The following THOC7 variants were observed in gnomAD, a reference collection of about 807,000 sequenced individuals.
THOC7 encodes NIF3L1-binding protein 1.
Under a neutral mutation model 33.1 loss-of-function variants are expected in THOC7, and 22 were observed. The ratio of observed to expected loss-of-function variants is 0.66; its 90% CI spans 0.47 to 0.95. The LOEUF (loss-of-function observed/expected upper bound fraction) is 0.95, where lower values mean the gene tolerates loss of function less well. Among genes scored for constraint, THOC7 ranks in the 40% least tolerant of loss-of-function variants. The pLI, the probability that THOC7 is intolerant of heterozygous loss-of-function variation, is 0.00. For missense variants in THOC7, 184 were observed against 245.3 expected (o/e 0.75, Z 1.67); for synonymous variants, 77 against 76.8 (o/e 1.00, Z -0.01).
chr3:63,834,328 C>A, intron 7 of THOC7, 129 bp from the exon 8 acceptor site: 4 of 822,582 alleles, frequency 4.9e-6, no homozygotes, highest in South Asian at 1.8e-5. Context: ...CTAGTTGAAT[C>A]AAACTTTAAA....
In THOC7 at chr3:63,839,733, AC is replaced by A; in HGVS notation, c.59del (p.Gly20ValfsTer11). On this transcript the variant is annotated frameshift_variant, in exon 2 of 8. Transcript: ENST00000295899. LOFTEE classifies it high-confidence loss of function. ...GATTAATTCTCCGATCATCTCCAGC[AC>A]CATCTCCATCAATGAGGAGACGCTT... The part of the protein sequence containing the change: ...IRKRLLIDGD[G>X]AGDDRRINLL... The A allele has an allele frequency of 6.2e-7, 1 of 1,613,296 alleles. No homozygotes were observed. The highest frequency in any genetic ancestry group is 8.5e-7 in the Non-Finnish European group (1 of 1,179,958).
intron 1 of THOC7, among the ~76,000 whole-genome samples, chr3:63,855,007 C>CAA (rs758785703): frequency 7.6e-5 from 7 of 91,554 alleles, no homozygotes; most frequent in African/African-American, 1.2e-4. Flanking sequence ...GACTCCGTCT[C>CAA]AAAAAAAAAA....
chr3:63,833,980 T>G lies in THOC7; in HGVS notation c.*152A>C. The stretch of plus-strand genomic sequence containing the variant: ...TCTATACTGAAGTCATTTTCCTTTG[T>G]GAGAGGAAATATGAATGAAATACAT... On this transcript the variant is annotated 3_prime_UTR_variant, in exon 8 of 8. Transcript: ENST00000295899. The G allele has an allele frequency of 1.5e-6, 1 of 674,080 alleles. No homozygotes were observed. Among genetic ancestry groups the G allele is most frequent in the Non-Finnish European group, 2.4e-6 (1 of 419,272 alleles). The allele number at this position is 674,080 out of a possible 1,614,324, so 41.8% of individuals were successfully genotyped here. A position where few individuals can be genotyped will look rare whatever the true frequency, so the allele number is the denominator to read the frequency against.
intron 2 of THOC7, 92 bp downstream of exon 2, chr3:63,839,564 G>T: frequency 9.7e-7 from 1 of 1,035,318 alleles, no homozygotes; most frequent in Non-Finnish European, 1.5e-6. Flanking sequence ...CATTTAAGGT[G>T]AGTGAAAATT....
chr3:63,844,285 T>C (rs1404578852), intron 1 of THOC7, among the ~76,000 whole-genome samples: 7 of 152,218 alleles, frequency 4.6e-5, no homozygotes, highest in African/African-American at 1.7e-4. Flanking sequence ...AGAGACCTAA[T>C]TGTACAGCAA....
chr3:63,840,299 G>A (rs559807840), intron 1 of THOC7, among the ~76,000 whole-genome samples: 1 of 152,126 alleles, frequency 6.6e-6, no homozygotes, highest in Non-Finnish European at 1.5e-5. Flanking sequence ...AATGAGATGG[G>A]TGAGGGAAAA....
chr3:63,853,011 C>T (rs1472490950), intron 1 of THOC7, among the ~76,000 whole-genome samples: 1 of 151,886 alleles, frequency 6.6e-6, no homozygotes, highest in Non-Finnish European at 1.5e-5. Flanking sequence ...ATTAGCTGGG[C>T]GTGGTGGCAC....
At chr3:63,863,616 C>G in intron 1 of THOC7, 156 bp downstream of exon 1, 1 of 1,196,504 alleles carries the variant, frequency 8.4e-7, no homozygotes, top group Non-Finnish European at 1.0e-6. Context: ...CCGGGGAGGC[C>G]CGGGGCTCCG....
chr3:63,862,232 C>G (rs1014945440), intron 1 of THOC7, among the ~76,000 whole-genome samples: 2 of 152,194 alleles, frequency 1.3e-5, no homozygotes, highest in African/African-American at 4.8e-5. Context: ...CTTCCAACAT[C>G]TTGGGGTCTT....
At chr3:63,835,685 C>T (rs569366451) in intron 5 of THOC7, among the ~76,000 whole-genome samples, 3 of 152,098 alleles carry the variant, frequency 2.0e-5, no homozygotes, top group South Asian at 4.1e-4. Flanking sequence ...AGTTTAACTT[C>T]GAGGGTTTTT....
At chr3:63,835,934 A>C (rs778172411) in intron 5 of THOC7, among the ~76,000 whole-genome samples, 36 of 152,162 alleles carry the variant, frequency 2.4e-4, no homozygotes, top group Middle Eastern at 3.4e-3. Context: ...TATGTGTTTC[A>C]GGAATTTAAA....
Position 63,835,097 on chromosome 3 carries a change from C to A in THOC7, c.547+57G>T, listed in dbSNP as rs1326538377. ...AAGATGTATATTTCAAAAGGTACAT[C>A]CCTGGGTCATTTAAAAAATCTTCAT... On this transcript the variant is annotated intron_variant, in intron 7 of 7. Coordinates refer to ENST00000295899, the MANE Select transcript of THOC7 (RefSeq NM_025075.4). 4.5e-6 allele frequency: 7 copies of A among 1,542,310 alleles called. No individual in the cohort carries two copies. The Admixed American group carries it at 1.2e-4, about 27-fold the overall frequency.
intron 1 of THOC7, chr3:63,860,576 G>C (rs1398778353): frequency 2.0e-5 from 3 of 152,058 alleles, no homozygotes; most frequent in Admixed American, 1.3e-4. Context: ...ATGAACACTA[G>C]ATCACAGAGC....
At chr3:63,839,615 A>G (rs1701714159) in intron 2 of THOC7, 41 bp downstream of exon 2, 1 of 1,554,090 alleles carries the variant, frequency 6.4e-7, no homozygotes, top group Admixed American at 1.7e-5. Context: ...CTAAAATCAC[A>G]TTAGGACACT....
chr3:63,863,045 CT>C (rs1450633424), intron 1 of THOC7: 1 of 152,458 alleles, frequency 6.6e-6, no homozygotes, highest in Non-Finnish European at 1.5e-5. Context: ...CTGGCTCCTC[CT>C]TACCCCCGTA....
At chr3:63,849,546 A>G (rs1701980121) in intron 1 of THOC7, among the ~76,000 whole-genome samples, 1 of 152,186 alleles carries the variant, frequency 6.6e-6, no homozygotes, top group Admixed American at 6.5e-5. Flanking sequence ...AGAGGTTTCT[A>G]AAATTCTAAT....
At chr3:63,846,147 C>A in intron 1 of THOC7, 1 of 429,206 alleles carries the variant, frequency 2.3e-6, no homozygotes, top group South Asian at 1.7e-5. Context: ...CTCTCTCTCT[C>A]TTTCTTTGCC....
Position 63,833,922 on chromosome 3 carries a change from T to C in THOC7, c.*210A>G, listed in dbSNP as rs1353722918. On this transcript the variant is annotated 3_prime_UTR_variant, in exon 8 of 8. Transcript: ENST00000295899. ...TTTTTGGATGTTGCTTCCTACCACT[T>C]AAGAATAAAAAATGCATTTTAATAA... 1.1e-5 allele frequency: 5 copies of C among 474,722 alleles called. No homozygotes were observed. Among genetic ancestry groups the C allele is most frequent in the African/African-American group, 1.0e-4 (5 of 49,872 alleles). The allele number at this position is 474,722 out of a possible 1,614,324, so 29.4% of individuals were successfully genotyped here.
chr3:63,855,064 G>A (rs1702089830), intron 1 of THOC7, among the ~76,000 whole-genome samples: 1 of 151,972 alleles, frequency 6.6e-6, no homozygotes, highest in African/African-American at 2.4e-5. Context: ...ATTAATTAGT[G>A]AGTAATATGA....
Sources: gnomAD v4.1 joint callset for allele counts (sites outside exome capture counted in the v4.1 genomes callset) on GRCh38, gnomAD v4.1.1 for gene constraint, MANE v1.5 for transcripts, NCBI Gene and HGNC (gene_info 2026-07-23, HGNC 2026-07-21) for gene names.